The following WWOX variants were observed in gnomAD, a reference collection of about 807,000 sequenced individuals.
WWOX encodes the protein WW domain containing oxidoreductase.
In WWOX, 69 loss-of-function variants were observed where a neutral mutation model predicts 46.2. That is an observed-to-expected ratio of 1.49 (90% CI 1.23 to 1.82). The LOEUF is 1.82. Among genes scored for constraint, WWOX ranks in the 40% most tolerant of loss-of-function variants. The pLI is 0.00. For missense variants in WWOX, 919 were observed against 542.6 expected (o/e 1.69, Z -6.89); for synonymous variants, 359 against 202.6 (o/e 1.77, Z -6.56).
At chr16:79,030,564 A>G (rs987627911) in intron 8 of WWOX, among the ~76,000 whole-genome samples, 13 of 152,194 alleles carry the variant, frequency 8.5e-5, no homozygotes, top group South Asian at 6.2e-4. Context: ...ACCGACTCAT[A>G]TGAGGGCTGT....
chr16:78,638,426 A>AT (rs965789343), intron 8 of WWOX, among the ~76,000 whole-genome samples: 60 of 146,256 alleles, frequency 4.1e-4, no homozygotes, highest in East Asian at 1.6e-3. Flanking sequence ...TTCCACCACC[A>AT]TTTTTTTTTT....
chr16:78,931,380 A>G (rs1030924279), intron 8 of WWOX, among the ~76,000 whole-genome samples: 1 of 152,220 alleles, frequency 6.6e-6, no homozygotes, highest in Non-Finnish European at 1.5e-5. Flanking sequence ...AAGGAAATGA[A>G]CAGGACGGAA....
intron 8 of WWOX, among the ~76,000 whole-genome samples, chr16:78,726,130 TC>T (rs1350184371): frequency 3.7e-4 from 44 of 118,464 alleles, no homozygotes; most frequent in African/African-American, 1.4e-3. Flanking sequence ...CCTCTCTCCC[TC>T]TCTCTTTTTC....
intron 8 of WWOX, among the ~76,000 whole-genome samples, chr16:78,922,246 C>G (rs1246377219): frequency 6.6e-6 from 1 of 152,146 alleles, no homozygotes; most frequent in African/African-American, 2.4e-5. Flanking sequence ...AATGGTTCAT[C>G]TGCAACCTAA....
chr16:79,083,909 G>T (rs1057436966), intron 8 of WWOX, among the ~76,000 whole-genome samples: 1 of 152,150 alleles, frequency 6.6e-6, no homozygotes, highest in African/African-American at 2.4e-5. Flanking sequence ...ATCTTCCTGC[G>T]GTGGGTTTCT....
At chr16:79,002,644 C>A (rs2047116784) in intron 8 of WWOX, among the ~76,000 whole-genome samples, 2 of 152,204 alleles carry the variant, frequency 1.3e-5, no homozygotes, top group African/African-American at 4.8e-5. Context: ...TTATTAAGTG[C>A]TTCACTTGTG....
chr16:78,576,331 A>T (rs1241341453), intron 8 of WWOX, among the ~76,000 whole-genome samples: 1 of 152,196 alleles, frequency 6.6e-6, no homozygotes, highest in South Asian at 2.1e-4. Flanking sequence ...TTTATTCAAA[A>T]TTTATACTTC....
intron 8 of WWOX, among the ~76,000 whole-genome samples, chr16:78,561,078 G>C (rs1406176463): frequency 3.3e-5 from 5 of 152,152 alleles, no homozygotes; most frequent in Admixed American, 1.3e-4. Context: ...AGCTCATTCA[G>C]GATGCTGGCA....
chr16:79,173,574 C>G (rs995689969), intron 8 of WWOX, among the ~76,000 whole-genome samples: 1 of 151,890 alleles, frequency 6.6e-6, no homozygotes, highest in Non-Finnish European at 1.5e-5. Context: ...TCACAACACT[C>G]ACAGTCAAAG....
intron 8 of WWOX, among the ~76,000 whole-genome samples, chr16:78,883,309 C>G (rs929488167): frequency 4.6e-5 from 7 of 152,178 alleles, no homozygotes; most frequent in Admixed American, 1.3e-4. Flanking sequence ...AGATGAAACC[C>G]TAAATGCCAT....
intron 8 of WWOX, among the ~76,000 whole-genome samples, chr16:79,109,867 G>C (rs988068393): frequency 1.6e-4 from 25 of 152,174 alleles, no homozygotes; most frequent in African/African-American, 4.6e-4. Context: ...TGTTACTGCA[G>C]TACAAGATTT....
chr16:78,996,952 T>C (rs1036076103), intron 8 of WWOX, among the ~76,000 whole-genome samples: 1 of 152,210 alleles, frequency 6.6e-6, no homozygotes, highest in Non-Finnish European at 1.5e-5. Context: ...CTCCCGCGCC[T>C]GGGAGGGCGA....
Position 79,189,755 on chromosome 16 carries a change from G to T in WWOX, c.1057-21853G>T, listed in dbSNP as rs2051094270. On this transcript the variant is annotated intron_variant, in intron 8 of 8. Transcript: ENST00000566780. ...TCCCGCCGTGTTCATTTGCTTGGCT[G>T]TCCTGAAATTGCGAATACACAGTTG... 2.0e-5 allele frequency among the ~76,000 whole-genome samples: 3 copies of T among 151,914 alleles called. No individual in the cohort carries two copies. The South Asian group carries it at 6.3e-4, about 32-fold the overall frequency.
chr16:78,914,880 G>GAAAA (rs10706775), intron 8 of WWOX, among the ~76,000 whole-genome samples: 4 of 69,390 alleles, frequency 5.8e-5, no homozygotes, highest in African/African-American at 1.2e-4. Flanking sequence ...CTCCGCCTCA[G>GAAAA]AAAAAAAAAA....
intron 8 of WWOX, among the ~76,000 whole-genome samples, chr16:78,935,416 A>G (rs1597173046): frequency 6.6e-6 from 1 of 152,160 alleles, no homozygotes; most frequent in Non-Finnish European, 1.5e-5. Flanking sequence ...ATGGAATACT[A>G]CACAGCCATA....
intron 8 of WWOX, chr16:78,551,451 T>A (rs1341999405): frequency 6.6e-6 from 1 of 152,200 alleles, no homozygotes; most frequent in Non-Finnish European, 1.5e-5. Flanking sequence ...TCTGGGAAAT[T>A]GGGACTCCCA....
At chr16:78,813,513 G>T (rs1461918766) in intron 8 of WWOX, among the ~76,000 whole-genome samples, 3 of 152,116 alleles carry the variant, frequency 2.0e-5, no homozygotes, top group Admixed American at 6.5e-5. Flanking sequence ...GATATATAAT[G>T]ATGCCTATCT....
At chr16:78,764,455 G>C (rs1033518249) in intron 8 of WWOX, among the ~76,000 whole-genome samples, 2 of 150,504 alleles carry the variant, frequency 1.3e-5, no homozygotes, top group African/African-American at 2.4e-5. Flanking sequence ...TCTTCTGGGA[G>C]TGGGTTTGTA....
At chr16:78,390,330 G>C (rs1196114322) in intron 6 of WWOX, among the ~76,000 whole-genome samples, 1 of 152,230 alleles carries the variant, frequency 6.6e-6, no homozygotes, top group Admixed American at 6.5e-5. Flanking sequence ...CCATTAAGTA[G>C]TTGGGAAATC....
Sources: gnomAD v4.1 joint callset for allele counts (sites outside exome capture counted in the v4.1 genomes callset) on GRCh38, gnomAD v4.1.1 for gene constraint, MANE v1.5 for transcripts, NCBI Gene and HGNC (gene_info 2026-07-23, HGNC 2026-07-21) for gene names.